The following AKAP9 variants were observed in gnomAD, a reference collection of about 807,000 sequenced individuals.
The protein encoded by AKAP9 is A-kinase anchoring protein 9.
AKAP9 carries 311 observed loss-of-function variants against 488.5 expected under a neutral mutation model. The ratio of observed to expected loss-of-function variants is 0.64; its 90% CI spans 0.58 to 0.70. The LOEUF (loss-of-function observed/expected upper bound fraction) is 0.70. AKAP9 is among the 30% of genes least tolerant of loss of function. The pLI is 0.00. For synonymous variants in AKAP9, 1,462 were observed against 1,483.5 expected, an observed-to-expected ratio of 0.99 and a Z score of 0.33; for missense variants, 4,215 against 4,374.5, an observed-to-expected ratio of 0.96 and a Z score of 1.03.
At chr7:92,049,726 G>A (rs984160716) in intron 21 of AKAP9, among the ~76,000 whole-genome samples, 1 of 151,938 alleles carries the variant, frequency 6.6e-6, no homozygotes, top group East Asian at 1.9e-4. Flanking sequence ...AACATATTCA[G>A]ATTATTTCAG....
At chr7:92,032,496 C>CAAAA (rs56966156) in intron 16 of AKAP9, among the ~76,000 whole-genome samples, 1 of 80,518 alleles carries the variant, frequency 1.2e-5, no homozygotes. Flanking sequence ...AACTCCGTCT[C>CAAAA]AAAAAAAAAA....
At chr7:92,004,510 T>C (rs1318834076) in intron 8 of AKAP9, among the ~76,000 whole-genome samples, 1 of 152,224 alleles carries the variant, frequency 6.6e-6, no homozygotes, top group East Asian at 1.9e-4. Context: ...TCGTTTGTAG[T>C]TCTCCTTGAA....
At chr7:92,008,199 C>T (rs757788624) in intron 8 of AKAP9, among the ~76,000 whole-genome samples, 3 of 151,828 alleles carry the variant, frequency 2.0e-5, no homozygotes, top group Non-Finnish European at 4.4e-5. Context: ...GAAACCCCGT[C>T]TCTACCAAAA....
intron 26 of AKAP9, among the ~76,000 whole-genome samples, chr7:92,069,095 C>G (rs1811257042): frequency 6.6e-6 from 1 of 152,184 alleles, no homozygotes; most frequent in Non-Finnish European, 1.5e-5. Flanking sequence ...GGGAAACCTT[C>G]AAGGTGCACA....
intron 31 of AKAP9, among the ~76,000 whole-genome samples, chr7:92,081,493 A>ATTT (rs202196637): frequency 1.2e-3 from 144 of 121,452 alleles, no homozygotes; most frequent in South Asian, 5.4e-3. Context: ...ATATATATAT[A>ATTT]TATATTTTTT....
At position 92,102,738 on chromosome 7, in the gene AKAP9, G is replaced by C; in HGVS notation, c.11242G>C (p.Ala3748Pro). 1 of 1,614,216 alleles carries C rather than the reference G, an allele frequency of 6.2e-7. No individual in the cohort carries two copies. The change falls in exon 46 of 50, where the codon GCT becomes CCT. Residue 3748 changes from alanine to proline, a missense_variant. Physicochemically the swap from Ala to Pro is conservative, Grantham distance 27. Around this residue, in one of 5 missense-constraint regions of AKAP9, gnomAD observed 253 missense variants for 266.8 expected, o/e 0.95. Coordinates refer to ENST00000356239, the MANE Select transcript of AKAP9 (RefSeq NM_005751.5). ...ALLARMGGQPAFTDLEVITNR... is the reference protein window; with the variant it reads ...ALLARMGGQPPFTDLEVITNR... ...GCTTGCCCGGATGGGGGGGCAGCCA[G>C]CTTTCACGGATCTAGAGGTGATCAC...
At chr7:91,968,155 C>T (rs1014716802) in intron 1 of AKAP9, among the ~76,000 whole-genome samples, 1 of 152,230 alleles carries the variant, frequency 6.6e-6, no homozygotes, top group African/African-American at 2.4e-5. Context: ...CCAGGCTGGT[C>T]TCAAACTCCT....
chr7:92,065,819 C>T (rs975987784), intron 25 of AKAP9, among the ~76,000 whole-genome samples: 4 of 152,166 alleles, frequency 2.6e-5, no homozygotes, highest in African/African-American at 9.7e-5. Flanking sequence ...ACTGCTTCAC[C>T]TGTAAAAGAT....
intron 12 of AKAP9, among the ~76,000 whole-genome samples, chr7:92,021,831 T>C (rs1416575051): frequency 6.6e-6 from 1 of 152,206 alleles, no homozygotes; most frequent in South Asian, 2.1e-4. Flanking sequence ...TACCTGGTTG[T>C]ACATAGGATA....
chr7:91,944,711 TA>T (rs1791218464), intron 1 of AKAP9, among the ~76,000 whole-genome samples: 3 of 152,306 alleles, frequency 2.0e-5, no homozygotes, highest in South Asian at 4.1e-4. Flanking sequence ...TTAAAAAACA[TA>T]AAGGCTTATC....
chr7:92,104,442 C>T (rs555525945), intron 46 of AKAP9, among the ~76,000 whole-genome samples: 10 of 152,224 alleles, frequency 6.6e-5, no homozygotes, highest in Admixed American at 3.3e-4. Flanking sequence ...CCGCCCGCCT[C>T]GGCCTCCGAA....
intron 28 of AKAP9, among the ~76,000 whole-genome samples, chr7:92,071,270 G>A (rs1205964694): frequency 6.6e-6 from 1 of 152,126 alleles, no homozygotes; most frequent in African/African-American, 2.4e-5. Context: ...CAGGAAGAAG[G>A]CCAGTTTAGC....
intron 31 of AKAP9, among the ~76,000 whole-genome samples, chr7:92,081,487 A>G (rs1813550155): frequency 6.2e-5 from 7 of 112,668 alleles, no homozygotes; most frequent in Admixed American, 5.2e-4. Context: ...ATATATATAT[A>G]TATATATATA....
At chr7:91,975,536 G>A (rs977064208) in intron 2 of AKAP9, among the ~76,000 whole-genome samples, 1 of 151,964 alleles carries the variant, frequency 6.6e-6, no homozygotes, top group Non-Finnish European at 1.5e-5. Context: ...GAATTCCTTC[G>A]ATTTTTCCTG....
chr7:91,949,506 C>T (rs1364803091), intron 1 of AKAP9, among the ~76,000 whole-genome samples: 4 of 152,126 alleles, frequency 2.6e-5, no homozygotes, highest in Non-Finnish European at 4.4e-5. Flanking sequence ...AAAAAAGTAA[C>T]TTAGTGTTCA....
intron 20 of AKAP9, among the ~76,000 whole-genome samples, 191 bp from the exon 21 acceptor site, chr7:92,044,817 C>A (rs1022741251): frequency 6.6e-6 from 1 of 152,002 alleles, no homozygotes; most frequent in Admixed American, 6.6e-5. Flanking sequence ...AAAAACAAAT[C>A]ATTTTATAAT....
chr7:92,072,360 C>T (rs1268246468), intron 28 of AKAP9, among the ~76,000 whole-genome samples: 1 of 152,126 alleles, frequency 6.6e-6, no homozygotes, highest in Non-Finnish European at 1.5e-5. Context: ...ACAGCTGACC[C>T]TAATAACAGT....
At chr7:92,026,452 G>T (rs955697620) in intron 14 of AKAP9, among the ~76,000 whole-genome samples, 1 of 151,932 alleles carries the variant, frequency 6.6e-6, no homozygotes, top group Non-Finnish European at 1.5e-5. Context: ...CTCCTGCCTC[G>T]GCCTGCCTAG....
Position 92,002,561 on chromosome 7 carries a change from A to G in AKAP9, c.2644A>G (p.Lys882Glu). The change falls in exon 8 of 50, where the codon AAA (lysine) becomes GAA (glutamate). Residue 882 changes from lysine to glutamate, a missense_variant. Transcript: ENST00000356239. ...AGTAAAAGATGATTTAGAAGACAGTAAAAATAAACAGGAATTAGAGTATAA... is the reference window on the plus strand; with the variant it reads ...AGTAAAAGATGATTTAGAAGACAGTGAAAATAAACAGGAATTAGAGTATAA... ...LKVKDDLEDS[K>E]NKQELEYKSK... 1 of 1,609,444 alleles carries G rather than the reference A, an allele frequency of 6.2e-7. No homozygotes were observed. Among genetic ancestry groups the G allele is most frequent in the Non-Finnish European group, 8.5e-7 (1 of 1,178,104 alleles).
Sources: gnomAD v4.1 joint callset for allele counts (sites outside exome capture counted in the v4.1 genomes callset) on GRCh38, gnomAD v4.1.1 for gene constraint, gnomAD v4.1.1 regional missense constraint, MANE v1.5 for transcripts, NCBI Gene and HGNC (gene_info 2026-07-23, HGNC 2026-07-21) for gene names.